NUP155: variants seen among roughly 807,000 people sequenced by gnomAD.
NUP155 encodes the protein nucleoporin 155, also known as nuclear pore complex protein Nup155.
In NUP155, 71 loss-of-function variants were observed where a neutral mutation model predicts 180.4. The ratio of observed to expected loss-of-function variants is 0.39; its 90% confidence interval spans 0.33 to 0.48. The LOEUF is 0.48. Ranked by LOEUF, NUP155 falls within the 20% of genes least tolerant of loss-of-function variation. The pLI, the probability that NUP155 is intolerant of heterozygous loss-of-function variation, is 0.91. For synonymous variants in NUP155, 582 were observed against 559.5 expected (o/e 1.04, Z -0.57); for missense variants, 1,553 against 1,648.9 (o/e 0.94, Z 1.01).
At chr5:37,295,510 C>T (rs939042049) in intron 32 of NUP155, among the ~76,000 whole-genome samples, 134 of 151,462 alleles carry the variant, frequency 8.8e-4, no homozygotes, top group Non-Finnish European at 1.6e-3. Flanking sequence ...GGCCGCCCAT[C>T]GTCTGGGATG....
chr5:37,332,230 T>C lies in NUP155; in HGVS notation c.1519-435A>G, dbSNP rs558139832. Among the ~76,000 whole-genome samples the C allele has an allele frequency of 1.5e-4, 18 of 123,684 alleles. No individual in the cohort carries two copies. In the East Asian group the frequency reaches 2.2e-3, roughly 15 times the overall value. The allele number at this position is 123,684 out of a possible 152,430, so 81.1% of individuals were successfully genotyped here. On this transcript the variant is annotated intron_variant, in intron 13 of 34. Coordinates refer to ENST00000231498, the MANE Select transcript of NUP155 (RefSeq NM_153485.3). ...ACCTTATACCAGAGTAAATTCCAAATAGATCAAAAGACTTAAAGGACAAAA... is the reference window on the plus strand; with the variant it reads ...ACCTTATACCAGAGTAAATTCCAAACAGATCAAAAGACTTAAAGGACAAAA...
intron 4 of NUP155, among the ~76,000 whole-genome samples, chr5:37,356,011 C>T (rs1746801036): frequency 6.6e-6 from 1 of 151,832 alleles, no homozygotes; most frequent in African/African-American, 2.4e-5. Flanking sequence ...GGGCGGATCA[C>T]CTGAGGTCGG....
In NUP155 at chr5:37,331,720, C is replaced by T. The variant is rs751392818; in HGVS notation, c.1594G>A (p.Gly532Arg). ...TTAAAGAATCTTTCAATCTCTTCTC[C>T]ATCTCCTCCCACATTACTCACAAGT... The part of the protein sequence containing the change: ...HLLVSNVGGD[G>R]EEIERFFKLH... The change falls in exon 14 of 35, where the codon GGA becomes AGA. Residue 532 changes from glycine to arginine, a missense_variant. Transcript: ENST00000231498. 1 of 1,608,394 alleles carries T rather than the reference C, an allele frequency of 6.2e-7. No individual in the cohort carries two copies. The highest frequency in any genetic ancestry group is 8.5e-7 in the Non-Finnish European group (1 of 1,176,242).
Position 37,323,935 on chromosome 5 carries a change from CA to C in NUP155, c.2207+56del, listed in dbSNP as rs965805625. The C allele has an allele frequency of 7.2e-6, 9 of 1,249,358 alleles. No homozygotes were observed. The African/African-American group carries it at 1.0e-4, about 14-fold the overall frequency. 77.4% of individuals were successfully genotyped at this position (1,249,358 alleles called of 1,614,324 possible). A position where few individuals can be genotyped will look rare whatever the true frequency, so the allele number is the denominator to read the frequency against. Reference sequence around the variant, plus strand: ...CAACTTTGTAGTATGTAAATCATCTCAACAAAAAATACAACGAAAAGAAAAA... The same window carrying C: ...CAACTTTGTAGTATGTAAATCATCTCACAAAAAATACAACGAAAAGAAAAA... On this transcript the variant is annotated intron_variant, in intron 20 of 34. Coordinates refer to ENST00000231498, the MANE Select transcript of NUP155 (RefSeq NM_153485.3).
At chr5:37,317,295 G>T (rs935122830) in intron 21 of NUP155, among the ~76,000 whole-genome samples, 1 of 152,098 alleles carries the variant, frequency 6.6e-6, no homozygotes, top group Non-Finnish European at 1.5e-5. Context: ...TTCGAGACCA[G>T]CCTGACCAAC....
chr5:37,294,589 G>T, intron 32 of NUP155, 124 bp from the exon 33 acceptor site: 1 of 974,526 alleles, frequency 1.0e-6, no homozygotes, highest in Non-Finnish European at 1.6e-6. Context: ...AATTTTTTGG[G>T]GCGGGGGGTT....
At chr5:37,333,424 G>A (rs779670137) in intron 13 of NUP155, 39 bp downstream of exon 13, 10 of 1,548,626 alleles carry the variant, frequency 6.5e-6, no homozygotes, top group East Asian at 2.2e-5. Context: ...ATTATACATC[G>A]CTTATTTTTG....
Position 37,327,670 on chromosome 5 carries a change from T to C in NUP155, c.1983A>G (p.Gly661=). 6.2e-7 allele frequency: 1 copy of C among 1,614,134 alleles called. No homozygotes were observed. The highest frequency in any genetic ancestry group is 1.1e-5 in the South Asian group (1 of 91,080). ...CVTGPEIVYS[G]KHNGICIYFS... ...AGTAAATGCAAATACCATTGTGTTTTCCAGAGTACACAATCTCTGGTCCAG... is the reference window on the plus strand; with the variant it reads ...AGTAAATGCAAATACCATTGTGTTTCCCAGAGTACACAATCTCTGGTCCAG... The change falls in exon 18 of 35, where the codon GGA becomes GGG. Residue 661 remains glycine, a synonymous_variant. Transcript: ENST00000231498.
intron 4 of NUP155, among the ~76,000 whole-genome samples, chr5:37,354,616 GC>G (rs1746692517): frequency 6.6e-6 from 1 of 151,094 alleles, no homozygotes; most frequent in Non-Finnish European, 1.5e-5. Context: ...GCACCACCAT[GC>G]CTGGCTTATG....
At chr5:37,311,576 G>A (rs1449289046) in intron 22 of NUP155, among the ~76,000 whole-genome samples, 1 of 152,006 alleles carries the variant, frequency 6.6e-6, no homozygotes, top group Non-Finnish European at 1.5e-5. Context: ...TGAGGAGACT[G>A]CCTTCCAACG....
intron 34 of NUP155, 27 bp downstream of exon 34, chr5:37,292,852 C>T: frequency 6.9e-7 from 1 of 1,441,852 alleles, no homozygotes; most frequent in Non-Finnish European, 9.8e-7. Context: ...AAAGCTTTTG[C>T]TGATCCAATA....
At position 37,292,952 on chromosome 5, in the gene NUP155, G is replaced by T; in HGVS notation, c.3964C>A (p.His1322Asn). Residue 1322 changes from histidine (H) to asparagine (N), a missense_variant, in exon 34 of 35, where the codon CAC becomes AAC. By Grantham distance (68) the His-to-Asn change is moderately conservative. Coordinates refer to ENST00000231498, the MANE Select transcript of NUP155 (RefSeq NM_153485.3). ...AATACATGTATACAATCCAAAAGGT[G>T]CAGTGGCTTCTTCATTCTGTTCCAG... is the stretch of plus-strand genomic sequence containing the variant. ...PFWNRMKKPL[H>N]LLDCIHVLLI... The T allele has an allele frequency of 6.2e-7, 1 of 1,612,284 alleles. No individual in the cohort carries two copies. Among genetic ancestry groups the T allele is most frequent in the Admixed American group, 1.7e-5 (1 of 60,000 alleles).
chr5:37,299,525 T>C lies in NUP155; in HGVS notation c.3605A>G (p.Lys1202Arg). 1.2e-6 allele frequency: 2 copies of C among 1,614,076 alleles called. No individual in the cohort carries two copies. Among genetic ancestry groups the C allele is most frequent in the Non-Finnish European group, 1.7e-6 (2 of 1,179,988 alleles). The part of the protein sequence containing the change: ...FADPFKLAEC[K>R]LAIIHCAGYS... ...ACCGGCACAATGAATTATTGCAAGTTTGCACTCTGCAAGTTTAAATGGGTC... is the reference window on the plus strand; with the variant it reads ...ACCGGCACAATGAATTATTGCAAGTCTGCACTCTGCAAGTTTAAATGGGTC... The change falls in exon 31 of 35, where the codon AAA becomes AGA. Residue 1202 changes from lysine to arginine, a missense_variant. Coordinates refer to ENST00000231498, the MANE Select transcript of NUP155 (RefSeq NM_153485.3).
At chr5:37,294,601 T>A in intron 32 of NUP155, 136 bp from the exon 33 acceptor site, 1 of 799,178 alleles carries the variant, frequency 1.3e-6, no homozygotes, top group Non-Finnish European at 2.1e-6. Flanking sequence ...CGGGGGGTTT[T>A]TTTTGCTATG....
rs748909089 is a variant in NUP155 at position 37,348,512 on chromosome 5, T to A, written c.988A>T (p.Ile330Phe). 5.6e-6 allele frequency: 9 copies of A among 1,596,434 alleles called. No homozygotes were observed. The South Asian group carries it at 8.8e-5, about 16-fold the overall frequency. The change falls in exon 9 of 35, where the codon ATT (isoleucine) becomes TTT (phenylalanine). Residue 330 changes from isoleucine (I) to phenylalanine (F), a missense_variant. Transcript: ENST00000231498. ...TAATAAATTACATGTTACCTAGCAATGTTACCAGCAGCAGAGACAATGGCA... is the reference window on the plus strand; with the variant it reads ...TAATAAATTACATGTTACCTAGCAAAGTTACCAGCAGCAGAGACAATGGCA... ...QNAIVSAAGN[I>F]ARTIDRSVFK...
chr5:37,353,501 G>A (rs769818984), intron 4 of NUP155, among the ~76,000 whole-genome samples: 5 of 152,074 alleles, frequency 3.3e-5, no homozygotes, highest in Non-Finnish European at 2.9e-5. Flanking sequence ...AGAATTGCTT[G>A]AACCCGGGAG....
intron 24 of NUP155, 89 bp from the exon 25 acceptor site, chr5:37,307,521 G>T: frequency 8.1e-7 from 1 of 1,239,708 alleles, no homozygotes. Flanking sequence ...TAATGATCAA[G>T]GTTATGTCTC....
chr5:37,334,927 A>G (rs1026787311), intron 12 of NUP155, among the ~76,000 whole-genome samples: 1 of 152,118 alleles, frequency 6.6e-6, no homozygotes, highest in East Asian at 1.9e-4. Flanking sequence ...TGGGAGGTGG[A>G]GGCGGGCGGT....
intron 4 of NUP155, among the ~76,000 whole-genome samples, chr5:37,357,050 T>A (rs918076928): frequency 3.9e-5 from 6 of 152,116 alleles, no homozygotes; most frequent in East Asian, 1.9e-4. Context: ...GAGGCTGCTG[T>A]GAGCGGAGAT....
Sources: allele counts gnomAD v4.1 joint callset (sites outside exome capture counted in the v4.1 genomes callset), GRCh38; gene constraint gnomAD v4.1.1; transcripts MANE v1.5; gene names NCBI Gene and HGNC (gene_info 2026-07-23, HGNC 2026-07-21).